Variants in CELF4 observed in about 807,000 individuals in gnomAD.
The protein encoded by CELF4 is CUG-BP- and ETR-3-like factor 4.
Under a neutral mutation model 59.9 loss-of-function variants are expected in CELF4, and 18 were observed. The observed-to-expected ratio is 0.30, with a 90% confidence interval of 0.21 to 0.45. CELF4 has a LOEUF of 0.45. Among genes scored for constraint, CELF4 ranks in the 20% least tolerant of loss-of-function variants. The pLI, the probability that CELF4 is intolerant of heterozygous loss-of-function variation, is 1.00. For synonymous variants in CELF4, 261 were observed against 267.1 expected (o/e 0.98, Z 0.22); for missense variants, 456 against 689.0 (o/e 0.66, Z 3.79).
rs540681648 is a variant in CELF4 at position 37,322,992 on chromosome 18, C to T, written c.370-1111G>A. Among the ~76,000 whole-genome samples the T allele has an allele frequency of 4.2e-4, 64 of 152,254 alleles. No homozygotes were observed. The South Asian group carries it at 0.013, about 31-fold the overall frequency. On this transcript the variant is annotated intron_variant, in intron 2 of 12. Transcript: ENST00000420428. Reference sequence around the variant, plus strand: ...GGGTGATTTCTGCATGTCTGTCCTGCGCTTTGAGACCTTCCGTTGCCAATT... The same window carrying T: ...GGGTGATTTCTGCATGTCTGTCCTGTGCTTTGAGACCTTCCGTTGCCAATT...
chr18:37,414,503 CTTTTTTT>C (rs55943928), intron 2 of CELF4, among the ~76,000 whole-genome samples: 1 of 116,060 alleles, frequency 8.6e-6, no homozygotes, highest in East Asian at 2.5e-4. Context: ...CTTTTCTTTT[CTTTTTTT>C]TTTTTTTTTG....
chr18:37,285,701 G>A (rs2094674834), intron 3 of CELF4, among the ~76,000 whole-genome samples: 2 of 152,168 alleles, frequency 1.3e-5, no homozygotes, highest in East Asian at 1.9e-4. Flanking sequence ...TCTGGCCTTC[G>A]GACCCTTGCC....
At chr18:37,301,776 G>A (rs973700174) in intron 3 of CELF4, among the ~76,000 whole-genome samples, 1 of 152,208 alleles carries the variant, frequency 6.6e-6, no homozygotes, top group African/African-American at 2.4e-5. Context: ...GGCTCATTGA[G>A]TGGCTGTTTT....
chr18:37,295,394 T>A (rs1373194), intron 3 of CELF4, among the ~76,000 whole-genome samples: 13 of 152,118 alleles, frequency 8.5e-5, no homozygotes, highest in Non-Finnish European at 1.5e-4. Flanking sequence ...GGCAGGTAGA[T>A]AAGGGGTTTG....
intron 3 of CELF4, among the ~76,000 whole-genome samples, chr18:37,310,720 C>T (rs182720697): frequency 2.0e-5 from 3 of 152,294 alleles, no homozygotes; most frequent in Admixed American, 2.0e-4. Flanking sequence ...TGCGGTGTGC[C>T]GGGGCCAGGG....
At chr18:37,464,030 G>A (rs545063283) in intron 2 of CELF4, among the ~76,000 whole-genome samples, 33 of 152,226 alleles carry the variant, frequency 2.2e-4, no homozygotes, top group African/African-American at 7.9e-4. Context: ...CCGAACTCAG[G>A]CTGCCCTCCC....
chr18:37,380,358 C>T (rs970605823), intron 2 of CELF4, among the ~76,000 whole-genome samples: 3 of 152,174 alleles, frequency 2.0e-5, no homozygotes, highest in African/African-American at 7.2e-5. Context: ...TTCAAGCTCT[C>T]TCTCCCAACT....
At chr18:37,310,970 TTC>T (rs1387329214) in intron 3 of CELF4, among the ~76,000 whole-genome samples, 1 of 152,190 alleles carries the variant, frequency 6.6e-6, no homozygotes, top group Admixed American at 6.5e-5. Flanking sequence ...CCGTGGTGCC[TTC>T]TCTCTGTCAT....
chr18:37,274,583 C>G, intron 5 of CELF4, 129 bp from the exon 6 acceptor site: 1 of 1,576,316 alleles, frequency 6.3e-7, no homozygotes, highest in Non-Finnish European at 8.6e-7. Flanking sequence ...CGGCGCTCGC[C>G]CAGGGGAATG....
chr18:37,427,821 A>G (rs1487832978), intron 2 of CELF4, among the ~76,000 whole-genome samples: 1 of 152,214 alleles, frequency 6.6e-6, no homozygotes, highest in Non-Finnish European at 1.5e-5. Flanking sequence ...AGTTCTCCAC[A>G]TGGTTGATAG....
intron 2 of CELF4, among the ~76,000 whole-genome samples, chr18:37,464,559 G>C (rs989538687): frequency 2.0e-5 from 3 of 152,312 alleles, no homozygotes; most frequent in African/African-American, 7.2e-5. Flanking sequence ...TCAGGACTCT[G>C]CCTGGGGTGG....
intron 2 of CELF4, among the ~76,000 whole-genome samples, chr18:37,441,310 TAC>T (rs1184482606): frequency 6.3e-5 from 9 of 142,982 alleles, no homozygotes; most frequent in South Asian, 2.3e-4. Context: ...TGTGTGTGTG[TAC>T]ACACACGGGG....
intron 2 of CELF4, among the ~76,000 whole-genome samples, chr18:37,415,056 G>A (rs1383003296): frequency 1.3e-5 from 2 of 152,250 alleles, no homozygotes; most frequent in Non-Finnish European, 2.9e-5. Flanking sequence ...TAAGAGGTAT[G>A]TGTAAGAGTG....
chr18:37,284,947 T>A (rs2094581698), intron 3 of CELF4, among the ~76,000 whole-genome samples: 1 of 152,198 alleles, frequency 6.6e-6, no homozygotes, highest in Non-Finnish European at 1.5e-5. Flanking sequence ...GGTCTTCCTT[T>A]TCCCCCCAGG....
chr18:37,401,348 T>C (rs1327771194), intron 2 of CELF4, among the ~76,000 whole-genome samples: 1 of 152,202 alleles, frequency 6.6e-6, no homozygotes, highest in African/African-American at 2.4e-5. Flanking sequence ...AAGCACCTAC[T>C]GTGTGGAGGC....
At chr18:37,280,401 A>G (rs1411826237) in intron 3 of CELF4, among the ~76,000 whole-genome samples, 1 of 152,120 alleles carries the variant, frequency 6.6e-6, no homozygotes, top group Non-Finnish European at 1.5e-5. Context: ...TTCTCTTTTA[A>G]GGGGTTGGGA....
intron 2 of CELF4, among the ~76,000 whole-genome samples, chr18:37,460,324 A>T (rs1251921383): frequency 1.3e-5 from 2 of 152,226 alleles, no homozygotes; most frequent in Non-Finnish European, 2.9e-5. Flanking sequence ...TAGTCCAACC[A>T]GGAACACAGC....
intron 2 of CELF4, among the ~76,000 whole-genome samples, chr18:37,362,818 T>G (rs1446789034): frequency 6.6e-6 from 1 of 151,990 alleles, no homozygotes; most frequent in Non-Finnish European, 1.5e-5. Flanking sequence ...CCCTCACATC[T>G]CATTCTGACA....
In CELF4 at chr18:37,535,013, C is replaced by T. The variant is rs146384292; in HGVS notation, c.286+30343G>A. Among the ~76,000 whole-genome samples, 52 of 152,288 alleles carry T rather than the reference C, an allele frequency of 3.4e-4. No individual in the cohort carries two copies. The South Asian group carries it at 3.7e-3, about 11-fold the overall frequency. ...TTGCGATGTCTACATGGCAGGCTGA[C>T]GGAAAGCTGTCCTCTGTACTCATTT... On this transcript the variant is annotated intron_variant, in intron 1 of 12. Coordinates refer to ENST00000420428, the MANE Select transcript of CELF4 (RefSeq NM_020180.4).
Sources: allele counts gnomAD v4.1 joint callset (sites outside exome capture counted in the v4.1 genomes callset), GRCh38; gene constraint gnomAD v4.1.1; transcripts MANE v1.5; gene names NCBI Gene and HGNC (gene_info 2026-07-23, HGNC 2026-07-21).